The following LRRC4C variants were observed in gnomAD, a reference collection of about 807,000 sequenced individuals.
LRRC4C encodes leucine rich repeat containing 4C.
Under a neutral mutation model 33.6 loss-of-function variants are expected in LRRC4C, and 5 were observed. The ratio of observed to expected loss-of-function variants is 0.15; its 90% CI spans 0.08 to 0.31. The LOEUF is 0.31. Among genes scored for constraint, LRRC4C ranks in the 10% least tolerant of loss-of-function variants. The pLI, the probability that LRRC4C is intolerant of heterozygous loss-of-function variation, is 1.00. For synonymous variants in LRRC4C, 329 were observed against 302.0 expected, an observed-to-expected ratio of 1.09 and a Z score of -0.93; for missense variants, 560 against 796.7, an observed-to-expected ratio of 0.70 and a Z score of 3.58.
chr11:41,322,056 G>A (rs1297272208), intron 1 of LRRC4C, among the ~76,000 whole-genome samples: 1 of 151,834 alleles, frequency 6.6e-6, no homozygotes, highest in Non-Finnish European at 1.5e-5. Context: ...GTAGAGATGG[G>A]GTTTTACCAT....
chr11:40,352,149 TC>T (rs1377391231), intron 3 of LRRC4C, among the ~76,000 whole-genome samples: 1 of 147,854 alleles, frequency 6.8e-6, no homozygotes, highest in African/African-American at 2.5e-5. Context: ...CTTCCTTCCT[TC>T]CTTCCTTCCT....
rs150787721 is a variant in LRRC4C at position 40,844,922 on chromosome 11, T to C, written c.-407+88713A>G. ...TTACTTTGACTAAGCCATTCCACAA[T>C]GTACACATACTTTCTTTTTGTCCTT... On this transcript the variant is annotated intron_variant, in intron 2 of 6. Transcript: ENST00000528697. 6.0e-4 allele frequency among the ~76,000 whole-genome samples: 92 copies of C among 152,258 alleles called. 1 individual carries two copies. The highest frequency in any genetic ancestry group is 2.1e-3 in the African/African-American group (88 of 41,574).
intron 3 of LRRC4C, among the ~76,000 whole-genome samples, chr11:40,641,452 C>T (rs2136089513): frequency 6.6e-6 from 1 of 152,248 alleles, no homozygotes; most frequent in African/African-American, 2.4e-5. Context: ...AAAAGCTTTT[C>T]ACTCAAAGAG....
At chr11:41,424,615 T>C (rs1954977316) in intron 1 of LRRC4C, among the ~76,000 whole-genome samples, 1 of 152,032 alleles carries the variant, frequency 6.6e-6, no homozygotes, top group Admixed American at 6.6e-5. Context: ...AGTACCAAGA[T>C]GGAGTACATT....
intron 3 of LRRC4C, among the ~76,000 whole-genome samples, chr11:40,464,540 T>G (rs1367954311): frequency 6.6e-6 from 1 of 152,000 alleles, no homozygotes; most frequent in African/African-American, 2.4e-5. Flanking sequence ...TGAATTATCC[T>G]TTTTTGCTGG....
intron 4 of LRRC4C, among the ~76,000 whole-genome samples, chr11:40,283,482 A>G (rs1010136100): frequency 2.6e-5 from 4 of 152,126 alleles, no homozygotes; most frequent in African/African-American, 9.7e-5. Flanking sequence ...GGGTCCCTAC[A>G]GGAAAAATAA....
At chr11:40,465,270 A>T (rs905587790) in intron 3 of LRRC4C, among the ~76,000 whole-genome samples, 1 of 152,056 alleles carries the variant, frequency 6.6e-6, no homozygotes, top group Non-Finnish European at 1.5e-5. Context: ...CAGAAAAATG[A>T]AACCGGTCAC....
At chr11:40,813,509 C>T (rs951734914) in intron 2 of LRRC4C, among the ~76,000 whole-genome samples, 2 of 152,088 alleles carry the variant, frequency 1.3e-5, no homozygotes, top group Admixed American at 1.3e-4. Context: ...GGGATTATTA[C>T]AATTCAAGAT....
intron 1 of LRRC4C, among the ~76,000 whole-genome samples, chr11:41,151,834 C>T (rs1353088222): frequency 6.6e-6 from 1 of 152,124 alleles, no homozygotes; most frequent in African/African-American, 2.4e-5. Flanking sequence ...ATTCTAATAG[C>T]TAAAATTAAT....
At chr11:41,360,402 G>T (rs935806079) in intron 1 of LRRC4C, among the ~76,000 whole-genome samples, 1 of 151,590 alleles carries the variant, frequency 6.6e-6, no homozygotes, top group Non-Finnish European at 1.5e-5. Context: ...AAATGGAAAT[G>T]AGATACACTC....
At chr11:41,160,750 A>G (rs1944433618) in intron 1 of LRRC4C, among the ~76,000 whole-genome samples, 1 of 152,212 alleles carries the variant, frequency 6.6e-6, no homozygotes, top group African/African-American at 2.4e-5. Context: ...ACAGACACTC[A>G]AATGACTATT....
intron 1 of LRRC4C, among the ~76,000 whole-genome samples, chr11:41,044,316 T>C (rs1565330265): frequency 6.6e-6 from 1 of 152,140 alleles, no homozygotes; most frequent in Admixed American, 6.6e-5. Context: ...GAATGCAGGA[T>C]AATATTTTTT....
At position 40,341,455 on chromosome 11, in the gene LRRC4C, G is replaced by A. The variant is rs942089191; in HGVS notation, c.-269-21734C>T. On this transcript the variant is annotated intron_variant, in intron 3 of 6. Coordinates refer to ENST00000528697, the MANE Select transcript of LRRC4C (RefSeq NM_001258419.2). ...TATATACTCAGTAATGGGATTGCTGGGTCAAACACTGCATGTTCTCACTCA... is the reference window on the plus strand; with the variant it reads ...TATATACTCAGTAATGGGATTGCTGAGTCAAACACTGCATGTTCTCACTCA... Among the ~76,000 whole-genome samples, 9 of 150,994 alleles carry A rather than the reference G, an allele frequency of 6.0e-5. No homozygotes were observed. The East Asian group carries it at 1.4e-3, about 23-fold the overall frequency.
intron 2 of LRRC4C, among the ~76,000 whole-genome samples, chr11:40,881,094 C>T (rs1955153802): frequency 6.6e-6 from 1 of 151,926 alleles, no homozygotes; most frequent in South Asian, 2.1e-4. Flanking sequence ...TCCTGAGTCT[C>T]AGTCTTCCTA....
rs1056470027 is a variant in LRRC4C, at chr11:40,346,383, G to T, written c.-269-26662C>A. Among the ~76,000 whole-genome samples the T allele has an allele frequency of 9.8e-5, 15 of 152,290 alleles. 1 individual carries two copies. In the Middle Eastern group the frequency reaches 0.01, roughly 104 times the overall value. Reference sequence around the variant, plus strand: ...ACTGTGCAGCCATAAAAATGAATGAGATCATGTCCTTTGCAGGGACATAGA... The same window carrying T: ...ACTGTGCAGCCATAAAAATGAATGATATCATGTCCTTTGCAGGGACATAGA... On this transcript the variant is annotated intron_variant, in intron 3 of 6. Coordinates refer to ENST00000528697, the MANE Select transcript of LRRC4C (RefSeq NM_001258419.2).
At chr11:41,018,161 A>C (rs995681845) in intron 1 of LRRC4C, among the ~76,000 whole-genome samples, 2 of 152,296 alleles carry the variant, frequency 1.3e-5, no homozygotes, top group South Asian at 2.1e-4. Context: ...TTTTTAACCA[A>C]AATAAGTTAG....
intron 3 of LRRC4C, among the ~76,000 whole-genome samples, chr11:40,581,591 T>C (rs1251064144): frequency 6.6e-6 from 1 of 152,094 alleles, no homozygotes; most frequent in Admixed American, 6.6e-5. Flanking sequence ...CAAAATCACT[T>C]ACAAAAGGAT....
At chr11:40,766,109 C>T (rs1021223057) in intron 2 of LRRC4C, among the ~76,000 whole-genome samples, 1 of 149,088 alleles carries the variant, frequency 6.7e-6, no homozygotes, top group African/African-American at 2.5e-5. Flanking sequence ...TACAAAGGAG[C>T]TCCAATAGAT....
intron 3 of LRRC4C, among the ~76,000 whole-genome samples, chr11:40,533,414 G>C (rs796425549): frequency 6.6e-6 from 1 of 152,036 alleles, no homozygotes; most frequent in East Asian, 1.9e-4. Flanking sequence ...ACGCCAATAC[G>C]TCATGATTAT....
Sources: allele counts gnomAD v4.1 joint callset (sites outside exome capture counted in the v4.1 genomes callset), GRCh38; gene constraint gnomAD v4.1.1; transcripts MANE v1.5; gene names NCBI Gene and HGNC (gene_info 2026-07-23, HGNC 2026-07-21).